The following SLC25A26 variants were observed in gnomAD, a reference collection of about 807,000 sequenced individuals.
SLC25A26 encodes mitochondrial S-adenosylmethionine carrier protein.
SLC25A26 carries 36 observed loss-of-function variants against 37.8 expected under a neutral mutation model. The ratio of observed to expected loss-of-function variants is 0.95; its 90% confidence interval spans 0.73 to 1.26. The LOEUF (loss-of-function observed/expected upper bound fraction) is 1.26, where lower values mean the gene tolerates loss of function less well. Ranked by LOEUF, SLC25A26 falls within the 50% of genes most tolerant of loss-of-function variation. SLC25A26 has a pLI of 0.00. For missense variants in SLC25A26, 390 were observed against 331.1 expected (o/e 1.18, Z -1.38); for synonymous variants, 129 against 122.5 (o/e 1.05, Z -0.35).
chr3:66,321,873 T>A (rs13327668), intron 5 of SLC25A26, among the ~76,000 whole-genome samples: 6,551 of 152,146 alleles, frequency 0.043, 466 homozygotes, highest in African/African-American at 0.15. Context: ...CTGGGTAATT[T>A]ATAATGAACA....
chr3:66,307,073 A>G (rs1336182716), intron 5 of SLC25A26, among the ~76,000 whole-genome samples: 1 of 152,170 alleles, frequency 6.6e-6, no homozygotes, highest in Non-Finnish European at 1.5e-5. Flanking sequence ...TTCCTTGAGG[A>G]ATTGCTGCAC....
At chr3:66,230,644 A>G (rs1003225606) in intron 1 of SLC25A26, among the ~76,000 whole-genome samples, 2 of 151,758 alleles carry the variant, frequency 1.3e-5, no homozygotes, top group Non-Finnish European at 2.9e-5. Flanking sequence ...TCTCTACTAA[A>G]AATACAAAAA....
At chr3:66,361,506 G>C (rs1559738589) in intron 6 of SLC25A26, among the ~76,000 whole-genome samples, 1 of 152,222 alleles carries the variant, frequency 6.6e-6, no homozygotes, top group Non-Finnish European at 1.5e-5. Flanking sequence ...CTGTAAGTGA[G>C]CTATGTCTAG....
Position 66,236,408 on chromosome 3 carries a change from C to G in SLC25A26, c.34-136C>G, listed in dbSNP as rs180760147. On this transcript the variant is annotated intron_variant, in intron 1 of 9. Coordinates refer to ENST00000354883, the MANE Select transcript of SLC25A26 (RefSeq NM_001379210.1). ...AGATTTAGGCTGACGGTCCTTTGTGCCGCAGAAGTTGTGGACTGAAAGGAA... is the reference window on the plus strand; with the variant it reads ...AGATTTAGGCTGACGGTCCTTTGTGGCGCAGAAGTTGTGGACTGAAAGGAA... 118,185 of 522,812 alleles carry G rather than the reference C, an allele frequency of 0.23. 15,282 individuals are homozygous for G. Among genetic ancestry groups the G allele is most frequent in the African/African-American group, 0.41 (20,954 of 51,070 alleles). 32.4% of individuals were successfully genotyped at this position (522,812 alleles called of 1,614,324 possible). A position where few individuals can be genotyped will look rare whatever the true frequency, so the allele number is the denominator to read the frequency against.
At chr3:66,260,304 A>G (rs1028047356) in intron 3 of SLC25A26, among the ~76,000 whole-genome samples, 2 of 152,076 alleles carry the variant, frequency 1.3e-5, no homozygotes, top group Admixed American at 6.5e-5. Flanking sequence ...CTTGTGTGGT[A>G]TCTGGCTCCA....
chr3:66,290,238 T>C (rs1205433594), intron 5 of SLC25A26, among the ~76,000 whole-genome samples: 1 of 151,858 alleles, frequency 6.6e-6, no homozygotes, highest in Non-Finnish European at 1.5e-5. Context: ...GTTTTCCAAA[T>C]GTACAATTAT....
intron 1 of SLC25A26, among the ~76,000 whole-genome samples, chr3:66,181,482 T>TG (rs2070705133): frequency 6.6e-6 from 1 of 152,212 alleles, no homozygotes; most frequent in Non-Finnish European, 1.5e-5. Context: ...AAATGCTAGC[T>TG]ACGACACTGA....
At chr3:66,157,678 G>A (rs141563642) in intron 1 of SLC25A26, among the ~76,000 whole-genome samples, 1,543 of 152,194 alleles carry the variant, frequency 0.01, 37 homozygotes, top group East Asian at 0.081. Flanking sequence ...TGTACATAGA[G>A]GCTTCCAACA....
Position 66,135,307 on chromosome 3 carries a change from CTT to C in SLC25A26, c.-354+1324_-354+1325del, listed in dbSNP as rs1375850933. 3.3e-5 allele frequency among the ~76,000 whole-genome samples: 5 copies of C among 152,142 alleles called. No individual in the cohort carries two copies. In the East Asian group the frequency reaches 9.6e-4, roughly 29 times the overall value. ...CAATTTACTCCTAATCTTTCTGAAA[CTT>C]AGCTTTAGTAAAATATAAACATTGT... On this transcript the variant is annotated intron_variant, in intron 1 of 10. Coordinates refer to the SLC25A26 transcript ENST00000676754.
chr3:66,220,765 C>G, upstream of SLC25A26: 1 of 439,030 alleles, frequency 2.3e-6, no homozygotes, highest in Non-Finnish European at 4.1e-6. Flanking sequence ...CGGCCTCATT[C>G]TACCGCTGCT....
chr3:66,146,752 G>A (rs2070120076), intron 1 of SLC25A26, among the ~76,000 whole-genome samples: 1 of 152,018 alleles, frequency 6.6e-6, no homozygotes, highest in Non-Finnish European at 1.5e-5. Flanking sequence ...ATTTTGTAGT[G>A]GCGAATTCTG....
chr3:66,299,159 C>T (rs1221637770), intron 5 of SLC25A26, among the ~76,000 whole-genome samples: 2 of 152,102 alleles, frequency 1.3e-5, no homozygotes, highest in East Asian at 1.9e-4. Flanking sequence ...TGTATATGCA[C>T]CCATTTCCAT....
chr3:66,371,158 T>A lies in SLC25A26; in HGVS notation c.707+556T>A, dbSNP rs776876575. ...CCATAAACTTGTGAAGCCGCCTGAA[T>A]GTTGAGATCTTACAGGCATGTGAAA... On this transcript the variant is annotated intron_variant, in intron 9 of 9. Coordinates refer to ENST00000354883, the MANE Select transcript of SLC25A26 (RefSeq NM_001379210.1). 2.8e-6 allele frequency: 4 copies of A among 1,433,378 alleles called. No homozygotes were observed. The East Asian group carries it at 1.1e-4, about 38-fold the overall frequency. The allele number at this position is 1,433,378 out of a possible 1,614,324, so 88.8% of individuals were successfully genotyped here.
In SLC25A26 at chr3:66,161,264, C is replaced by T. The variant is rs144082095; in HGVS notation, c.-354+27280C>T. ...CCTGAAAAGTGGTGACCAACTTTTTCCCCATGGAATCAGCATAAACTGGAT... is the reference window on the plus strand; with the variant it reads ...CCTGAAAAGTGGTGACCAACTTTTTTCCCATGGAATCAGCATAAACTGGAT... On this transcript the variant is annotated intron_variant, in intron 1 of 10. Transcript: ENST00000676754. Among the ~76,000 whole-genome samples the T allele has an allele frequency of 2.3e-3, 347 of 152,108 alleles. 1 individual carries two copies. The highest frequency in any genetic ancestry group is 7.9e-3 in the African/African-American group (329 of 41,486).
intron 2 of SLC25A26, among the ~76,000 whole-genome samples, chr3:66,237,145 C>T (rs539708432): frequency 3.9e-5 from 6 of 152,214 alleles, no homozygotes; most frequent in Non-Finnish European, 8.8e-5. Flanking sequence ...TGGGCCTAAC[C>T]CATTATTTTT....
chr3:66,231,763 A>ATTTTTTTT, intron 1 of SLC25A26, among the ~76,000 whole-genome samples: 1 of 137,912 alleles, frequency 7.3e-6, no homozygotes, highest in Non-Finnish European at 1.5e-5. Flanking sequence ...GGTTTACCTC[A>ATTTTTTTT]TTTTTTTTTT....
intron 7 of SLC25A26, among the ~76,000 whole-genome samples, chr3:66,369,223 G>A (rs1700209123): frequency 6.6e-6 from 1 of 152,140 alleles, no homozygotes; most frequent in African/African-American, 2.4e-5. Flanking sequence ...GCTAGTTAAT[G>A]AAAGAGCAAG....
intron 1 of SLC25A26, among the ~76,000 whole-genome samples, chr3:66,181,780 CTTTTTTTT>C (rs922019884): frequency 7.2e-4 from 70 of 97,052 alleles, no homozygotes; most frequent in Admixed American, 4.0e-3. Context: ...CTCCCCTTGT[CTTTTTTTT>C]TTTTTTTTTT....
At chr3:66,359,759 G>A (rs1222534353) in intron 6 of SLC25A26, among the ~76,000 whole-genome samples, 5 of 152,194 alleles carry the variant, frequency 3.3e-5, no homozygotes, top group African/African-American at 1.2e-4. Context: ...TTCTATTAAA[G>A]CATACAGATG....
Sources: allele counts gnomAD v4.1 joint callset (sites outside exome capture counted in the v4.1 genomes callset), GRCh38; gene constraint gnomAD v4.1.1; transcripts MANE v1.5; gene names NCBI Gene and HGNC (gene_info 2026-07-23, HGNC 2026-07-21).